NR4A3: variants seen among roughly 807,000 people sequenced by gnomAD.
NR4A3 encodes the protein chondrosarcoma, extraskeletal myxoid, fused to EWS.
NR4A3 carries 13 observed loss-of-function variants against 55.6 expected under a neutral mutation model. That is an observed-to-expected ratio of 0.23 (90% CI 0.15 to 0.37). The LOEUF is 0.37. Ranked by LOEUF, NR4A3 falls within the 10% of genes least tolerant of loss-of-function variation. The pLI is 1.00. For missense variants in NR4A3, 646 were observed against 822.8 expected, an observed-to-expected ratio of 0.79 and a Z score of 2.63; for synonymous variants, 342 against 357.9, an observed-to-expected ratio of 0.96 and a Z score of 0.50.
Position 99,833,244 on chromosome 9 carries a change from T to C in NR4A3, c.1082-38T>C, listed in dbSNP as rs182560728. 6.3e-5 allele frequency: 97 copies of C among 1,551,202 alleles called. No individual in the cohort carries two copies. The East Asian group carries it at 1.9e-3, about 30-fold the overall frequency. On this transcript the variant is annotated intron_variant, in intron 4 of 7. Transcript: ENST00000395097. ...CGATTTATGGTCGTTCATTCCATAA[T>C]CTTTGAAGATTGTTTTCTTTGTCTC...
intron 5 of NR4A3, among the ~76,000 whole-genome samples, chr9:99,844,165 A>G (rs772903822): frequency 3.3e-5 from 5 of 152,160 alleles, no homozygotes; most frequent in Non-Finnish European, 7.4e-5. Context: ...TCATGGGGAG[A>G]CAGCTGTGCT....
In NR4A3 at chr9:99,833,438, A is replaced by C; in HGVS notation, c.1238A>C (p.Asp413Ala). The C allele has an allele frequency of 6.2e-7, 1 of 1,614,010 alleles. No homozygotes were observed. Among genetic ancestry groups the C allele is most frequent in the Non-Finnish European group, 8.5e-7 (1 of 1,179,914 alleles). ...VRALTDSTPR[D>A]LDYSRYCPTD... ...GCTTTAACAGACTCAACACCCAGAGATCTTGATTATTCCAGAGTAAGTTTT... is the reference window on the plus strand; with the variant it reads ...GCTTTAACAGACTCAACACCCAGAGCTCTTGATTATTCCAGAGTAAGTTTT... Residue 413 changes from aspartate to alanine, a missense_variant, in exon 5 of 8, where the codon GAT becomes GCT. Physicochemically the swap from Asp to Ala is moderately radical, Grantham distance 126. Coordinates refer to ENST00000395097, the MANE Select transcript of NR4A3 (RefSeq NM_006981.4).
rs1827371531 is a variant in NR4A3, at chr9:99,828,712, C to A, written c.670C>A (p.Pro224Thr). Reference protein sequence around the residue: ...DPTAAAALSLPLGAAAAAGSQ... With the variant: ...DPTAAAALSLTLGAAAAAGSQ... ...GACGGCCGCTGCCGCGCTCAGCCTG[C>A]CGCTGGGAGCCGCAGCCGCCGCGGG... Residue 224 changes from proline to threonine, a missense_variant, in exon 3 of 8, where the codon CCG becomes ACG. By Grantham distance (38) the Pro-to-Thr change is conservative (BLOSUM62 -1). Around this residue, in one of 5 missense-constraint regions of NR4A3, gnomAD observed 426 missense variants for 429.4 expected, o/e 0.99. Transcript: ENST00000395097. The surrounding 1 kb of genome is among the most constrained non-coding windows in gnomAD (Gnocchi z 7.7). 2 of 1,305,822 alleles carry A rather than the reference C, an allele frequency of 1.5e-6. No homozygotes were observed. The highest frequency in any genetic ancestry group is 4.4e-5 in the South Asian group (2 of 45,630). The allele number at this position is 1,305,822 out of a possible 1,614,324, so 80.9% of individuals were successfully genotyped here.
At chr9:99,840,858 A>AT (rs1486233154) in intron 5 of NR4A3, among the ~76,000 whole-genome samples, 1 of 152,212 alleles carries the variant, frequency 6.6e-6, no homozygotes, top group Admixed American at 6.5e-5. Context: ...AGCCTGTGGA[A>AT]TTATTAAATA....
In NR4A3 at chr9:99,828,225, C is replaced by T. The variant is rs764361891; in HGVS notation, c.183C>T (p.Phe61=). ...ATTSLPSIST[F]VEGYSSNYEL... is the part of the protein sequence containing the mutation. ...CGTCCCTGCCCAGCATCAGTACCTT[C>T]GTGGAGGGCTACTCGAGCAACTACG... The change falls in exon 3 of 8, where the codon TTC becomes TTT. Residue 61 remains phenylalanine (F), a synonymous_variant. Coordinates refer to ENST00000395097, the MANE Select transcript of NR4A3 (RefSeq NM_006981.4). The surrounding 1 kb of genome is among the most constrained non-coding windows in gnomAD (Gnocchi z 7.7). 6 of 1,614,076 alleles carry T rather than the reference C, an allele frequency of 3.7e-6. No individual in the cohort carries two copies. The highest frequency in any genetic ancestry group is 5.1e-6 in the Non-Finnish European group (6 of 1,179,990).
intron 7 of NR4A3, among the ~76,000 whole-genome samples, chr9:99,856,322 C>G (rs1282393692): frequency 1.3e-5 from 2 of 151,774 alleles, no homozygotes; most frequent in African/African-American, 4.8e-5. Context: ...CAACCTAGAT[C>G]CCTCACATGC....
chr9:99,864,814 A>T lies in NR4A3; in HGVS notation c.*947A>T, dbSNP rs887691632. 4.5e-6 allele frequency: 1 copy of T among 222,232 alleles called. No individual in the cohort carries two copies. Among genetic ancestry groups the T allele is most frequent in the Non-Finnish European group, 9.0e-6 (1 of 110,812 alleles). 13.8% of individuals were successfully genotyped at this position (222,232 alleles called of 1,614,324 possible). A position where few individuals can be genotyped will look rare whatever the true frequency, so the allele number is the denominator to read the frequency against. On this transcript the variant is annotated 3_prime_UTR_variant, in exon 8 of 8. Coordinates refer to ENST00000395097, the MANE Select transcript of NR4A3 (RefSeq NM_006981.4). ...TAGTAACTGACTGGTATATTCATTC[A>T]GAAGCGCCATAAGTCAGTTGAGTAT...
intron 5 of NR4A3, chr9:99,834,803 C>G (rs1446931431): frequency 2.0e-6 from 2 of 985,242 alleles, no homozygotes; most frequent in South Asian, 4.7e-5. Flanking sequence ...GATAACAAAA[C>G]GTCATATGAG....
chr9:99,858,360 G>A (rs958461809), intron 7 of NR4A3, among the ~76,000 whole-genome samples: 12 of 152,184 alleles, frequency 7.9e-5, no homozygotes, highest in African/African-American at 2.9e-4. Context: ...CACCTACCTC[G>A]CAACCCCTCC....
chr9:99,824,244 C>T (rs1241212596), intron 1 of NR4A3, among the ~76,000 whole-genome samples: 2 of 152,198 alleles, frequency 1.3e-5, no homozygotes, highest in African/African-American at 2.4e-5. Flanking sequence ...ACGCTGGGCG[C>T]TCGAGGGGAA....
At chr9:99,860,213 CGT>C (rs1491302862) in intron 7 of NR4A3, among the ~76,000 whole-genome samples, 78 of 116,480 alleles carry the variant, frequency 6.7e-4, no homozygotes, top group African/African-American at 2.0e-3. Context: ...ATGTTGTAAA[CGT>C]TTTTTTTTTT....
At chr9:99,836,379 G>A (rs576956061) in intron 5 of NR4A3, among the ~76,000 whole-genome samples, 41 of 152,328 alleles carry the variant, frequency 2.7e-4, no homozygotes, top group South Asian at 6.2e-4. Context: ...AACGTGTGTG[G>A]TAGAAGGGAG....
chr9:99,833,598 A>G (rs1284094010), intron 5 of NR4A3, 144 bp downstream of exon 5: 2 of 1,601,572 alleles, frequency 1.2e-6, no homozygotes, highest in African/African-American at 2.7e-5. Context: ...CGCTTCATTT[A>G]GCAATTCAGT....
At chr9:99,859,169 TA>T (rs2118165811) in intron 7 of NR4A3, among the ~76,000 whole-genome samples, 1 of 152,374 alleles carries the variant, frequency 6.6e-6, no homozygotes, top group East Asian at 1.9e-4. Flanking sequence ...TTGTTTTGTT[TA>T]ATGGTGGACA....
In NR4A3 at chr9:99,864,162, C is replaced by T; in HGVS notation, c.*295C>T. The T allele has an allele frequency of 3.0e-6, 1 of 333,044 alleles. No homozygotes were observed. The highest frequency in any genetic ancestry group is 6.8e-5 in the South Asian group (1 of 14,784). The allele number at this position is 333,044 out of a possible 1,614,324, so 20.6% of individuals were successfully genotyped here. A position where few individuals can be genotyped will look rare whatever the true frequency, so the allele number is the denominator to read the frequency against. On this transcript the variant is annotated 3_prime_UTR_variant, in exon 8 of 8. Coordinates refer to ENST00000395097, the MANE Select transcript of NR4A3 (RefSeq NM_006981.4). The stretch of plus-strand genomic sequence containing the variant: ...AAATTGCTAACAAAGCACTTTTGGA[C>T]AATGCTATCCCAGCAGGAAAAAAAA...
At chr9:99,856,376 G>A (rs1005748140) in intron 7 of NR4A3, among the ~76,000 whole-genome samples, 2 of 151,940 alleles carry the variant, frequency 1.3e-5, no homozygotes, top group Non-Finnish European at 2.9e-5. Flanking sequence ...ATCTAATGCC[G>A]CCACTCATCT....
intron 3 of NR4A3, among the ~76,000 whole-genome samples, chr9:99,829,766 G>A (rs1422137263): frequency 6.6e-6 from 1 of 152,140 alleles, no homozygotes; most frequent in East Asian, 1.9e-4. Flanking sequence ...TGCGGTGCCA[G>A]GTGTAGACAT....
chr9:99,855,126 CTGTT>C (rs1259815995), intron 7 of NR4A3, among the ~76,000 whole-genome samples: 11 of 151,222 alleles, frequency 7.3e-5, no homozygotes, highest in South Asian at 2.1e-4. Context: ...ATTTGGCTCT[CTGTT>C]TGTCTGTTGT....
chr9:99,839,006 G>A (rs1827605772), intron 5 of NR4A3, among the ~76,000 whole-genome samples: 2 of 152,218 alleles, frequency 1.3e-5, no homozygotes, highest in Non-Finnish European at 2.9e-5. Context: ...CTAGGTAGTA[G>A]GCACTGTTCC....
Sources: gnomAD v4.1 joint callset for allele counts (sites outside exome capture counted in the v4.1 genomes callset) on GRCh38, gnomAD v4.1.1 for gene constraint, gnomAD v4.1.1 regional missense constraint, Gnocchi (gnomAD v3.1) non-coding constraint, MANE v1.5 for transcripts, NCBI Gene and HGNC (gene_info 2026-07-23, HGNC 2026-07-21) for gene names.